Variants in CNTNAP2 observed in about 807,000 individuals in gnomAD.
The protein encoded by CNTNAP2 is contactin-associated protein-like 2.
CNTNAP2 carries 98 observed loss-of-function variants against 155.2 expected under a neutral mutation model. The ratio of observed to expected loss-of-function variants is 0.63; its 90% CI spans 0.54 to 0.75. CNTNAP2 has a LOEUF of 0.75. Ranked by LOEUF, CNTNAP2 falls within the 30% of genes least tolerant of loss-of-function variation. The pLI is 0.00. For synonymous variants in CNTNAP2, 651 were observed against 631.2 expected, an observed-to-expected ratio of 1.03 and a Z score of -0.47; for missense variants, 1,727 against 1,688.1, an observed-to-expected ratio of 1.02 and a Z score of -0.40.
chr7:147,942,422 A>G (rs996994350), intron 14 of CNTNAP2, among the ~76,000 whole-genome samples: 5 of 152,324 alleles, frequency 3.3e-5, no homozygotes, highest in African/African-American at 1.2e-4. Flanking sequence ...AACTTTTAAA[A>G]CAGTTTACCT....
At chr7:146,677,180 A>G (rs1800415130) in intron 1 of CNTNAP2, among the ~76,000 whole-genome samples, 2 of 152,154 alleles carry the variant, frequency 1.3e-5, no homozygotes, top group African/African-American at 4.8e-5. Flanking sequence ...TATACGTGGA[A>G]CTGGAAGTGG....
intron 3 of CNTNAP2, among the ~76,000 whole-genome samples, chr7:146,877,220 G>C (rs1341235856): frequency 6.6e-6 from 1 of 152,010 alleles, no homozygotes; most frequent in Non-Finnish European, 1.5e-5. Context: ...ATAGGAAAGG[G>C]GCCAGGCATG....
intron 13 of CNTNAP2, among the ~76,000 whole-genome samples, chr7:147,679,571 T>C (rs187049499): frequency 6.6e-6 from 1 of 152,044 alleles, no homozygotes; most frequent in East Asian, 1.9e-4. Flanking sequence ...ATGTTGTTTA[T>C]TGCCTGGATA....
In CNTNAP2 at chr7:146,865,831, A is replaced by G. The variant is rs1269616091; in HGVS notation, c.402+25927A>G. ...GACACACTAAGAAAATGAAAATCAA[A>G]CCACATGCTGGGAAAATTCATTCAC... On this transcript the variant is annotated intron_variant, in intron 3 of 23. Coordinates refer to ENST00000361727, the MANE Select transcript of CNTNAP2 (RefSeq NM_014141.6). 2.6e-5 allele frequency among the ~76,000 whole-genome samples: 4 copies of G among 152,166 alleles called. No homozygotes were observed. In the East Asian group the frequency reaches 5.8e-4, roughly 22 times the overall value.
intron 10 of CNTNAP2, among the ~76,000 whole-genome samples, chr7:147,397,095 C>T (rs1252283104): frequency 6.6e-6 from 1 of 152,006 alleles, no homozygotes; most frequent in Admixed American, 6.6e-5. Context: ...TAAGATAGAA[C>T]TTCTATAAAG....
intron 21 of CNTNAP2, among the ~76,000 whole-genome samples, chr7:148,327,349 A>C (rs1056894981): frequency 3.3e-5 from 5 of 152,178 alleles, no homozygotes; most frequent in South Asian, 2.1e-4. Flanking sequence ...AATTCAGCTC[A>C]AGTGCTGGAC....
intron 1 of CNTNAP2, among the ~76,000 whole-genome samples, chr7:146,667,672 T>A (rs934761485): frequency 6.6e-6 from 1 of 152,030 alleles, no homozygotes; most frequent in Non-Finnish European, 1.5e-5. Context: ...AGTTTTCCTT[T>A]TAAAGGTTTT....
intron 15 of CNTNAP2, among the ~76,000 whole-genome samples, chr7:148,082,161 A>G (rs1408805791): frequency 6.6e-6 from 1 of 152,172 alleles, no homozygotes; most frequent in Non-Finnish European, 1.5e-5. Context: ...GAGATGAATG[A>G]ATGGAAGAGA....
At chr7:148,249,557 A>C (rs1004757455) in intron 20 of CNTNAP2, among the ~76,000 whole-genome samples, 1 of 152,084 alleles carries the variant, frequency 6.6e-6, no homozygotes, top group African/African-American at 2.4e-5. Flanking sequence ...TCACACACCA[A>C]ACTGACTCCC....
At position 147,079,049 on chromosome 7, in the gene CNTNAP2, C is replaced by T. The variant is rs77450714; in HGVS notation, c.551-29098C>T. ...TACAGGTGTGAGCCACTGGCCTGGC[C>T]GTCTTATTTAATTTGATGTCAAACC... On this transcript the variant is annotated intron_variant, in intron 4 of 23. Transcript: ENST00000361727. Among the ~76,000 whole-genome samples, 27 of 152,164 alleles carry T rather than the reference C, an allele frequency of 1.8e-4. No individual in the cohort carries two copies. In the East Asian group the frequency reaches 5.2e-3, roughly 29 times the overall value.
chr7:148,002,313 G>T (rs1054595273), intron 15 of CNTNAP2, among the ~76,000 whole-genome samples: 8 of 152,210 alleles, frequency 5.3e-5, no homozygotes, highest in African/African-American at 1.9e-4. Context: ...ACTTCATAAA[G>T]CTTTGATAGA....
chr7:147,219,990 C>T (rs1803358472), intron 8 of CNTNAP2, among the ~76,000 whole-genome samples: 2 of 149,360 alleles, frequency 1.3e-5, no homozygotes, highest in Admixed American at 1.3e-4. Context: ...GGGTTTTCAC[C>T]GTGTTAGCCA....
At chr7:146,258,913 G>A (rs113593297) in intron 1 of CNTNAP2, among the ~76,000 whole-genome samples, 59 of 152,256 alleles carry the variant, frequency 3.9e-4, no homozygotes, top group African/African-American at 1.4e-3. Context: ...GAGTGATATG[G>A]TTTGGCTCTG....
At chr7:147,394,188 TCTC>T (rs983415854) in intron 9 of CNTNAP2, among the ~76,000 whole-genome samples, 1 of 152,000 alleles carries the variant, frequency 6.6e-6, no homozygotes, top group African/African-American at 2.4e-5. Flanking sequence ...GCCTGACACT[TCTC>T]CTTGCTGCTG....
intron 1 of CNTNAP2, among the ~76,000 whole-genome samples, chr7:146,572,077 G>A (rs574888894): frequency 1.3e-5 from 2 of 152,162 alleles, no homozygotes; most frequent in South Asian, 2.1e-4. Context: ...ATATTCTAGG[G>A]TTCTTTGAAT....
chr7:148,062,784 G>A (rs1457267802), intron 15 of CNTNAP2, among the ~76,000 whole-genome samples: 2 of 152,046 alleles, frequency 1.3e-5, no homozygotes, highest in Non-Finnish European at 2.9e-5. Flanking sequence ...TTCAAATAAA[G>A]TAAAAGTATG....
At chr7:147,057,257 C>T (rs1358518887) in intron 4 of CNTNAP2, among the ~76,000 whole-genome samples, 2 of 152,188 alleles carry the variant, frequency 1.3e-5, no homozygotes, top group African/African-American at 2.4e-5. Context: ...CCAGCCTGGA[C>T]TTGCCCACAA....
chr7:146,381,152 T>C (rs991631385), intron 1 of CNTNAP2, among the ~76,000 whole-genome samples: 9 of 152,064 alleles, frequency 5.9e-5, no homozygotes, highest in African/African-American at 2.2e-4. Flanking sequence ...ACCATGTTTC[T>C]TTGGCCCATG....
At chr7:147,368,748 C>G (rs1796289429) in intron 9 of CNTNAP2, among the ~76,000 whole-genome samples, 1 of 152,180 alleles carries the variant, frequency 6.6e-6, no homozygotes, top group African/African-American at 2.4e-5. Flanking sequence ...TTTTGCCAAT[C>G]ACATCTTTCT....
Sources: gnomAD v4.1 joint callset for allele counts (sites outside exome capture counted in the v4.1 genomes callset) on GRCh38, gnomAD v4.1.1 for gene constraint, MANE v1.5 for transcripts, NCBI Gene and HGNC (gene_info 2026-07-23, HGNC 2026-07-21) for gene names.